KIAA0232: variants seen among roughly 807,000 people sequenced by gnomAD.
The protein encoded by KIAA0232 is uncharacterized protein KIAA0232.
A neutral mutation model predicts 122.0 loss-of-function variants in KIAA0232; 27 were observed. The observed-to-expected ratio is 0.22, with a 90% CI of 0.16 to 0.31. The LOEUF (loss-of-function observed/expected upper bound fraction) is 0.31. Ranked by LOEUF, KIAA0232 falls within the 10% of genes least tolerant of loss-of-function variation. The probability of loss-of-function intolerance (pLI) is 1.00; values close to 1 mark genes in which losing one functional copy is unlikely to be tolerated. For synonymous variants in KIAA0232, 613 were observed against 587.6 expected, an observed-to-expected ratio of 1.04 and a Z score of -0.63; for missense variants, 1,551 against 1,634.2, an observed-to-expected ratio of 0.95 and a Z score of 0.88.
rs557690726 is a variant in KIAA0232, at chr4:6,816,916, T to TAA, written c.-269-7268_-269-7267insAA. On this transcript the variant is annotated intron_variant, in intron 2 of 9. Transcript: ENST00000307659. ...CTAATATGCCTTATTCTCATTTTTATACCTATAGAATCTGTAGTGATCTCA... is the reference window on the plus strand; with the variant it reads ...CTAATATGCCTTATTCTCATTTTTATAAACCTATAGAATCTGTAGTGATCTCA... Among the ~76,000 whole-genome samples, 63 of 152,318 alleles carry TAA rather than the reference T, an allele frequency of 4.1e-4. 2 individuals are homozygous for TAA. The South Asian group carries it at 0.011, about 27-fold the overall frequency.
chr4:6,826,938 G>T (rs779177893), intron 3 of KIAA0232, among the ~76,000 whole-genome samples: 2 of 152,136 alleles, frequency 1.3e-5, no homozygotes, highest in Non-Finnish European at 2.9e-5. Flanking sequence ...AACTCTAGGG[G>T]GTTGTGGTCA....
At chr4:6,809,749 C>T (rs933143130) in intron 2 of KIAA0232, among the ~76,000 whole-genome samples, 4 of 151,908 alleles carry the variant, frequency 2.6e-5, no homozygotes, top group African/African-American at 9.7e-5. Flanking sequence ...GATACAAAAT[C>T]GGCATACAAA....
At chr4:6,837,478 T>A (rs1300495207) in intron 3 of KIAA0232, among the ~76,000 whole-genome samples, 1 of 144,682 alleles carries the variant, frequency 6.9e-6, no homozygotes, top group Non-Finnish European at 1.5e-5. Flanking sequence ...GATGGGCGGC[T>A]GGGCAGAGAC....
At chr4:6,868,169 C>G (rs952529405) in intron 7 of KIAA0232, among the ~76,000 whole-genome samples, 2 of 152,156 alleles carry the variant, frequency 1.3e-5, no homozygotes, top group African/African-American at 4.8e-5. Context: ...TTTCCTTCAC[C>G]CAGCTTCCAC....
chr4:6,860,890 C>T lies in KIAA0232; in HGVS notation c.519-11C>T. On this transcript the variant is annotated splice_polypyrimidine_tract_variant and intron_variant, in intron 6 of 9. Coordinates refer to ENST00000307659, the MANE Select transcript of KIAA0232 (RefSeq NM_014743.3). ...ATACTCGTGTTTTGAAGTCTTTACTCTGTTTTTCAGGTACTATGAAGCATT... is the reference window on the plus strand; with the variant it reads ...ATACTCGTGTTTTGAAGTCTTTACTTTGTTTTTCAGGTACTATGAAGCATT... The T allele has an allele frequency of 1.2e-6, 2 of 1,605,974 alleles. No individual in the cohort carries two copies. The highest frequency in any genetic ancestry group is 1.7e-6 in the Non-Finnish European group (2 of 1,175,650).
chr4:6,815,268 C>T (rs1718065324), intron 2 of KIAA0232, among the ~76,000 whole-genome samples: 1 of 152,150 alleles, frequency 6.6e-6, no homozygotes, highest in Non-Finnish European at 1.5e-5. Context: ...CACTGACCCT[C>T]AGTGCTGTGA....
intron 1 of KIAA0232, among the ~76,000 whole-genome samples, chr4:6,790,525 T>C (rs897348909): frequency 1.3e-5 from 2 of 151,258 alleles, no homozygotes; most frequent in African/African-American, 4.9e-5. Flanking sequence ...TGGGACTACA[T>C]GCTCATGTTA....
chr4:6,802,437 T>G (rs1294385909), intron 1 of KIAA0232, among the ~76,000 whole-genome samples: 1 of 152,174 alleles, frequency 6.6e-6, no homozygotes, highest in East Asian at 1.9e-4. Flanking sequence ...TTGGACAATA[T>G]TTTTCTTAGA....
intron 1 of KIAA0232, among the ~76,000 whole-genome samples, chr4:6,791,818 A>G (rs1716906492): frequency 6.6e-6 from 1 of 152,200 alleles, no homozygotes; most frequent in African/African-American, 2.4e-5. Flanking sequence ...AGACATACAG[A>G]TTGATACGGG....
At chr4:6,845,526 A>G (rs1290640600) in intron 4 of KIAA0232, among the ~76,000 whole-genome samples, 2 of 152,084 alleles carry the variant, frequency 1.3e-5, no homozygotes, top group African/African-American at 4.8e-5. Flanking sequence ...ACCTAAAGGG[A>G]GTAAATCGAT....
intron 1 of KIAA0232, among the ~76,000 whole-genome samples, chr4:6,797,912 G>A (rs1717205681): frequency 6.6e-6 from 1 of 152,008 alleles, no homozygotes; most frequent in Non-Finnish European, 1.5e-5. Flanking sequence ...ACAAAAAATA[G>A]CCGGGCACAG....
intron 2 of KIAA0232, among the ~76,000 whole-genome samples, chr4:6,814,472 T>C (rs1435480747): frequency 6.6e-6 from 1 of 152,118 alleles, no homozygotes; most frequent in Non-Finnish European, 1.5e-5. Flanking sequence ...ATAATCCTAT[T>C]AGTAACAGAA....
intron 3 of KIAA0232, among the ~76,000 whole-genome samples, chr4:6,836,669 G>C (rs1000645983): frequency 4.0e-5 from 6 of 151,346 alleles, no homozygotes; most frequent in African/African-American, 1.5e-4. Flanking sequence ...AAAGGTCTCT[G>C]GTTTTCCTAG....
intron 2 of KIAA0232, among the ~76,000 whole-genome samples, chr4:6,816,288 GT>G (rs11389688): frequency 1.1e-3 from 150 of 142,604 alleles, no homozygotes; most frequent in African/African-American, 3.1e-3. Flanking sequence ...TCTTTTTTTT[GT>G]TTTTTTTTTT....
At chr4:6,857,679 G>A (rs1720634102) in intron 5 of KIAA0232, among the ~76,000 whole-genome samples, 1 of 152,186 alleles carries the variant, frequency 6.6e-6, no homozygotes, top group African/African-American at 2.4e-5. Flanking sequence ...CTTCAGGTTT[G>A]GAAGGGACTT....
intron 8 of KIAA0232, among the ~76,000 whole-genome samples, chr4:6,873,398 G>A (rs1352128038): frequency 3.3e-5 from 5 of 152,228 alleles, no homozygotes; most frequent in Non-Finnish European, 5.9e-5. Context: ...CTGGTAAACT[G>A]GGCAAGTACA....
chr4:6,841,001 G>A (rs1719628216), intron 3 of KIAA0232, among the ~76,000 whole-genome samples: 1 of 152,050 alleles, frequency 6.6e-6, no homozygotes, highest in Admixed American at 6.6e-5. Flanking sequence ...ACAGCATGAG[G>A]GACCTCTCAA....
At chr4:6,871,751 T>C in intron 8 of KIAA0232, 69 bp downstream of exon 8, 1 of 974,546 alleles carries the variant, frequency 1.0e-6, no homozygotes, top group Non-Finnish European at 1.6e-6. Flanking sequence ...TAATTTCTTT[T>C]TCTATGAATA....
chr4:6,851,447 C>G (rs1392373202), intron 4 of KIAA0232, among the ~76,000 whole-genome samples: 1 of 152,082 alleles, frequency 6.6e-6, no homozygotes, highest in East Asian at 1.9e-4. Context: ...ATGGCTCATG[C>G]CTGTAATCCC....
Sources: gnomAD v4.1 joint callset for allele counts (sites outside exome capture counted in the v4.1 genomes callset) on GRCh38, gnomAD v4.1.1 for gene constraint, MANE v1.5 for transcripts, NCBI Gene and HGNC (gene_info 2026-07-23, HGNC 2026-07-21) for gene names.